WWC2: variants seen among roughly 807,000 people sequenced by gnomAD.
WWC2 encodes the protein protein WWC2.
In WWC2, 101 loss-of-function variants were observed where a neutral mutation model predicts 138.5. That is an observed-to-expected ratio of 0.73 (90% CI 0.62 to 0.86). The LOEUF is 0.86. WWC2 is among the 40% of genes least tolerant of loss of function. The pLI is 0.00. For missense variants in WWC2, 1,420 were observed against 1,419.4 expected (o/e 1.00, Z -0.01); for synonymous variants, 558 against 538.4 (o/e 1.04, Z -0.50).
intron 1 of WWC2, among the ~76,000 whole-genome samples, chr4:183,105,767 G>T (rs1183936507): frequency 6.6e-6 from 1 of 151,950 alleles, no homozygotes; most frequent in Non-Finnish European, 1.5e-5. Flanking sequence ...GCGGGTGCCT[G>T]TAGTCCCAGC....
intron 4 of WWC2, among the ~76,000 whole-genome samples, chr4:183,232,535 T>C (rs1442064349): frequency 6.6e-6 from 1 of 152,224 alleles, no homozygotes; most frequent in Non-Finnish European, 1.5e-5. Flanking sequence ...TGTGTGATCA[T>C]TTGTGACTGG....
chr4:183,252,854 A>G (rs776307399), intron 8 of WWC2, among the ~76,000 whole-genome samples: 8 of 152,066 alleles, frequency 5.3e-5, no homozygotes, highest in East Asian at 1.9e-4. Flanking sequence ...CTCTTTGGCA[A>G]TGGGGGAGCC....
intron 1 of WWC2, among the ~76,000 whole-genome samples, chr4:183,158,127 C>G (rs13113282): frequency 0.14 from 21,781 of 152,098 alleles, 1,753 homozygotes; most frequent in East Asian, 0.25. Flanking sequence ...TTCCATTTTT[C>G]TCTGTATACT....
intron 1 of WWC2, among the ~76,000 whole-genome samples, chr4:183,118,323 G>A (rs1189962641): frequency 2.0e-5 from 3 of 152,274 alleles, no homozygotes; most frequent in East Asian, 3.9e-4. Context: ...AAGTGTACAG[G>A]CAGTCACTAA....
intron 16 of WWC2, among the ~76,000 whole-genome samples, chr4:183,271,459 A>G (rs1737692857): frequency 6.6e-6 from 1 of 152,216 alleles, no homozygotes; most frequent in Non-Finnish European, 1.5e-5. Context: ...TTATAAAAGG[A>G]GCACTCTTTT....
intron 4 of WWC2, among the ~76,000 whole-genome samples, chr4:183,236,562 G>A (rs1010546838): frequency 4.6e-5 from 7 of 152,228 alleles, no homozygotes; most frequent in Non-Finnish European, 8.8e-5. Context: ...CTCAGTTATT[G>A]TTACAGGTGT....
chr4:183,254,280 A>G (rs770405843), intron 9 of WWC2, among the ~76,000 whole-genome samples: 2 of 152,240 alleles, frequency 1.3e-5, no homozygotes, highest in Non-Finnish European at 2.9e-5. Flanking sequence ...TCTGATAACA[A>G]TAGCTATAAA....
intron 17 of WWC2, among the ~76,000 whole-genome samples, chr4:183,281,680 G>T (rs1488407557): frequency 6.6e-6 from 1 of 151,998 alleles, no homozygotes. Context: ...CATAAATAAC[G>T]CAGTCATGGA....
At chr4:183,154,014 A>C (rs1392544754) in intron 1 of WWC2, among the ~76,000 whole-genome samples, 1 of 151,174 alleles carries the variant, frequency 6.6e-6, no homozygotes, top group Non-Finnish European at 1.5e-5. Context: ...AAAAAAAAAA[A>C]AAAAAAAAAA....
chr4:183,292,580 A>G (rs1560890546), intron 21 of WWC2, among the ~76,000 whole-genome samples: 1 of 151,870 alleles, frequency 6.6e-6, no homozygotes, highest in Non-Finnish European at 1.5e-5. Flanking sequence ...GGAAAGAATA[A>G]AAAGGATAGA....
chr4:183,190,975 C>G (rs539171137), intron 1 of WWC2, among the ~76,000 whole-genome samples: 1 of 152,146 alleles, frequency 6.6e-6, no homozygotes, highest in Non-Finnish European at 1.5e-5. Flanking sequence ...CTTAAACTTA[C>G]CGTTCTCGTG....
intron 1 of WWC2, among the ~76,000 whole-genome samples, chr4:183,175,923 C>T (rs994812198): frequency 6.6e-6 from 1 of 152,184 alleles, no homozygotes; most frequent in Non-Finnish European, 1.5e-5. Flanking sequence ...TGATGAAGAA[C>T]TATATTTAGA....
At chr4:183,310,509 G>C (rs1739174955) in intron 21 of WWC2, among the ~76,000 whole-genome samples, 1 of 151,920 alleles carries the variant, frequency 6.6e-6, no homozygotes, top group Admixed American at 6.6e-5. Flanking sequence ...CTGTTTGTTT[G>C]TTTTGGTTTT....
chr4:183,210,773 A>G (rs796669107), intron 4 of WWC2, among the ~76,000 whole-genome samples: 4 of 152,336 alleles, frequency 2.6e-5, no homozygotes, highest in African/African-American at 9.6e-5. Context: ...TACTGTACTG[A>G]GTACTGGAAG....
intron 4 of WWC2, among the ~76,000 whole-genome samples, chr4:183,220,625 G>C (rs974917774): frequency 6.6e-6 from 1 of 151,766 alleles, no homozygotes; most frequent in Non-Finnish European, 1.5e-5. Flanking sequence ...ACAAGGTCAG[G>C]AGATTGAGAC....
chr4:183,298,269 C>T (rs1738705993), intron 21 of WWC2, among the ~76,000 whole-genome samples: 1 of 152,210 alleles, frequency 6.6e-6, no homozygotes, highest in South Asian at 2.1e-4. Flanking sequence ...CTACTGTGAA[C>T]ATCTTGGGGA....
intron 1 of WWC2, among the ~76,000 whole-genome samples, chr4:183,142,968 A>G (rs369514162): frequency 2.0e-5 from 3 of 152,204 alleles, no homozygotes; most frequent in African/African-American, 7.2e-5. Context: ...AGAAAATCCA[A>G]TCTCCTGTCA....
chr4:183,105,814 C>T (rs1382348548), intron 1 of WWC2, among the ~76,000 whole-genome samples: 1 of 151,452 alleles, frequency 6.6e-6, no homozygotes, highest in Non-Finnish European at 1.5e-5. Context: ...GGCGTGAACC[C>T]GGGAAGCGGA....
Position 183,260,982 on chromosome 4 carries a change from G to C in WWC2, c.1359G>C (p.Leu453=), listed in dbSNP as rs1421090560. ...CCCTGGCATCGAGTCGGGGCTCTCT[G>C]AACACCTCCAGCAGAGGGTCACTCA... ...LGSLASSRGS[L]NTSSRGSLNS... The change falls in exon 11 of 23, where the codon CTG becomes CTC. Residue 453 remains leucine (L), a synonymous_variant. Transcript: ENST00000403733. The C allele has an allele frequency of 6.2e-7, 1 of 1,613,800 alleles. No homozygotes were observed. Among genetic ancestry groups the C allele is most frequent in the African/African-American group, 1.3e-5 (1 of 74,918 alleles).
Sources: allele counts gnomAD v4.1 joint callset (sites outside exome capture counted in the v4.1 genomes callset), GRCh38; gene constraint gnomAD v4.1.1; transcripts MANE v1.5; gene names NCBI Gene and HGNC (gene_info 2026-07-23, HGNC 2026-07-21).